RAP1GAP2: variants seen among roughly 807,000 people sequenced by gnomAD.
RAP1GAP2 encodes rap1 GTPase-activating protein 2.
In RAP1GAP2, 27 loss-of-function variants were observed where a neutral mutation model predicts 95.0. The observed-to-expected ratio is 0.28, with a 90% CI of 0.21 to 0.39. The LOEUF (loss-of-function observed/expected upper bound fraction) is 0.39. Among genes scored for constraint, RAP1GAP2 ranks in the 10% least tolerant of loss-of-function variants. RAP1GAP2 has a pLI of 1.00. For synonymous variants in RAP1GAP2, 373 were observed against 380.9 expected (o/e 0.98, Z 0.24); for missense variants, 771 against 970.0 (o/e 0.79, Z 2.72).
chr17:2,991,522 C>T, intron 12 of RAP1GAP2, 125 bp downstream of exon 12: 1 of 723,370 alleles, frequency 1.4e-6, no homozygotes. Context: ...GATGGCTTTT[C>T]AGGGTCTTGT....
intron 1 of RAP1GAP2, among the ~76,000 whole-genome samples, chr17:2,765,708 A>G (rs756010034): frequency 2.6e-4 from 40 of 151,148 alleles, no homozygotes; most frequent in Non-Finnish European, 5.4e-4. Context: ...GCGCCACTGC[A>G]CCCCAGACTG....
At chr17:2,820,452 C>T (rs1002763038) in intron 2 of RAP1GAP2, among the ~76,000 whole-genome samples, 3 of 152,032 alleles carry the variant, frequency 2.0e-5, no homozygotes, top group Non-Finnish European at 2.9e-5. Flanking sequence ...AAAACCCCGT[C>T]TCTACTAAAA....
chr17:2,985,877 A>T (rs1412718193), intron 11 of RAP1GAP2, among the ~76,000 whole-genome samples: 1 of 152,128 alleles, frequency 6.6e-6, no homozygotes, highest in Non-Finnish European at 1.5e-5. Flanking sequence ...CAAACTTCCC[A>T]TCTTCCCTAC....
intron 3 of RAP1GAP2, among the ~76,000 whole-genome samples, chr17:2,926,689 G>T (rs1323707782): frequency 1.3e-5 from 2 of 152,056 alleles, no homozygotes; most frequent in Non-Finnish European, 2.9e-5. Context: ...GTATGGAATG[G>T]GTCTCACTGA....
At position 2,904,345 on chromosome 17, in the gene RAP1GAP2, C is replaced by T. The variant is rs564294984; in HGVS notation, c.81-939C>T. ...GCACACAGCACTCCCCGGTCACCAG[C>T]GAGGGCCAGATGGAAAGTGGGGAGT... On this transcript the variant is annotated intron_variant, in intron 2 of 24. Transcript: ENST00000254695. The surrounding 1 kb of genome is among the most constrained non-coding windows in gnomAD (Gnocchi z 4.7). Among the ~76,000 whole-genome samples, 44 of 152,200 alleles carry T rather than the reference C, an allele frequency of 2.9e-4. No individual in the cohort carries two copies. Among genetic ancestry groups the T allele is most frequent in the African/African-American group, 9.4e-4 (39 of 41,532 alleles).
chr17:2,937,629 G>A (rs2043344758), intron 3 of RAP1GAP2, among the ~76,000 whole-genome samples: 1 of 152,200 alleles, frequency 6.6e-6, no homozygotes, highest in Admixed American at 6.5e-5. Flanking sequence ...GGGCTCAGTA[G>A]GGGACAGCGA....
At chr17:2,882,340 G>A (rs1391182159) in intron 2 of RAP1GAP2, among the ~76,000 whole-genome samples, 8 of 145,022 alleles carry the variant, frequency 5.5e-5, no homozygotes, top group Admixed American at 2.1e-4. Flanking sequence ...CCCCCAGGGT[G>A]GAGTGCAGTG....
At chr17:2,952,285 A>G (rs2043950060) in intron 3 of RAP1GAP2, among the ~76,000 whole-genome samples, 1 of 152,204 alleles carries the variant, frequency 6.6e-6, no homozygotes, top group Non-Finnish European at 1.5e-5. Context: ...CAGTAGCATC[A>G]TGAGCACAGA....
chr17:2,909,968 G>T (rs2042317832), intron 3 of RAP1GAP2, among the ~76,000 whole-genome samples: 1 of 152,194 alleles, frequency 6.6e-6, no homozygotes, highest in Non-Finnish European at 1.5e-5. Flanking sequence ...TTAGGAGTCT[G>T]TCTATGGCGA....
Position 3,030,893 on chromosome 17 carries a change from C to G in RAP1GAP2, c.2108-29C>G, listed in dbSNP as rs757131246. On this transcript the variant is annotated intron_variant, in intron 22 of 24. Transcript: ENST00000254695. ...GCCCCAGTGGCCTCCACAGCTCCAC[C>G]CTCCTTTCATGGCCGTTCTTTTTCT... 10 of 1,581,602 alleles carry G rather than the reference C, an allele frequency of 6.3e-6. No individual in the cohort carries two copies. The African/African-American group carries it at 9.4e-5, about 15-fold the overall frequency.
chr17:2,807,069 G>A (rs1021626894), intron 2 of RAP1GAP2, among the ~76,000 whole-genome samples: 3 of 151,338 alleles, frequency 2.0e-5, no homozygotes, highest in African/African-American at 7.3e-5. Flanking sequence ...GCTAATTTTT[G>A]TATTTTTAGT....
chr17:3,002,832 A>G (rs780091042), intron 14 of RAP1GAP2, among the ~76,000 whole-genome samples: 67 of 152,032 alleles, frequency 4.4e-4, no homozygotes, highest in Non-Finnish European at 4.4e-4. Context: ...GAAATGAGGA[A>G]GTTGGATTAG....
At chr17:2,926,824 G>T (rs2042968955) in intron 3 of RAP1GAP2, among the ~76,000 whole-genome samples, 1 of 151,780 alleles carries the variant, frequency 6.6e-6, no homozygotes, top group Admixed American at 6.6e-5. Context: ...GGCCAACATG[G>T]TGAAACCCTG....
Position 2,779,208 on chromosome 17 carries a change from C to T in RAP1GAP2, c.-14+1930C>T, listed in dbSNP as rs113324445. Among the ~76,000 whole-genome samples, 747 of 152,300 alleles carry T rather than the reference C, an allele frequency of 4.9e-3. 10 individuals carry two copies. Among genetic ancestry groups the T allele is most frequent in the African/African-American group, 0.017 (702 of 41,556 alleles). ...CAGCACACTGAGGTGCCTAACACTG[C>T]GTGACCTTGGCCAAATTACCTGACT... On this transcript the variant is annotated intron_variant, in intron 1 of 24. Coordinates refer to the RAP1GAP2 transcript ENST00000540393.
At position 2,827,040 on chromosome 17, in the gene RAP1GAP2, G is replaced by C. The variant is rs929733021; in HGVS notation, c.80+26490G>C. On this transcript the variant is annotated intron_variant, in intron 2 of 24. Transcript: ENST00000254695. The surrounding 1 kb of genome is among the most constrained non-coding windows in gnomAD (Gnocchi z 4.1). Reference sequence around the variant, plus strand: ...GAGGAGAGAAAGAAAGAAAGAGAGAGAGAAAGAAAGAAAGAGAAAGTCCCA... The same window carrying C: ...GAGGAGAGAAAGAAAGAAAGAGAGACAGAAAGAAAGAAAGAGAAAGTCCCA... Among the ~76,000 whole-genome samples, 1 of 152,046 alleles carries C rather than the reference G, an allele frequency of 6.6e-6. No individual in the cohort carries two copies.
intron 2 of RAP1GAP2, among the ~76,000 whole-genome samples, chr17:2,859,479 A>C (rs2072283862): frequency 1.3e-5 from 2 of 152,230 alleles, no homozygotes; most frequent in South Asian, 2.1e-4. Context: ...TCTGCCACCC[A>C]GGGTGGAGTG....
chr17:2,968,868 C>T (rs578180217), intron 8 of RAP1GAP2, among the ~76,000 whole-genome samples: 1 of 151,582 alleles, frequency 6.6e-6, no homozygotes, highest in African/African-American at 2.4e-5. Flanking sequence ...AAAAAGAAAG[C>T]GGGATTGGCA....
chr17:2,939,454 A>C (rs1305191925), intron 3 of RAP1GAP2, among the ~76,000 whole-genome samples: 1 of 152,220 alleles, frequency 6.6e-6, no homozygotes, highest in African/African-American at 2.4e-5. Flanking sequence ...GAATGCCTCG[A>C]AAGATGCAGG....
intron 1 of RAP1GAP2, among the ~76,000 whole-genome samples, chr17:2,786,643 T>C: frequency 7.6e-6 from 1 of 131,316 alleles, no homozygotes; most frequent in African/African-American, 2.8e-5. Flanking sequence ...TTCTTCAATT[T>C]TTTTTTTTTT....
Sources: gnomAD v4.1 joint callset for allele counts (sites outside exome capture counted in the v4.1 genomes callset) on GRCh38, gnomAD v4.1.1 for gene constraint, Gnocchi (gnomAD v3.1) non-coding constraint, MANE v1.5 for transcripts, NCBI Gene and HGNC (gene_info 2026-07-23, HGNC 2026-07-21) for gene names.